The following DGCR2 variants were observed in gnomAD, a reference collection of about 807,000 sequenced individuals.
DGCR2 encodes DiGeorge syndrome critical region gene 2, also known as integral membrane protein DGCR2/IDD.
In DGCR2, 24 loss-of-function variants were observed where a neutral mutation model predicts 51.6. The observed-to-expected ratio is 0.47, with a 90% CI of 0.34 to 0.65. DGCR2 has a LOEUF of 0.65. Ranked by LOEUF, DGCR2 falls within the 30% of genes least tolerant of loss-of-function variation. DGCR2 has a pLI of 0.01. For synonymous variants in DGCR2, 340 were observed against 315.4 expected (o/e 1.08, Z -0.82); for missense variants, 765 against 772.1 (o/e 0.99, Z 0.11).
chr22:19,038,424 G>T lies in DGCR2; in HGVS notation c.*441C>A, dbSNP rs995971519. On this transcript the variant is annotated 3_prime_UTR_variant, in exon 10 of 10. Transcript: ENST00000263196. ...GGTCCAGAGGCCCCCTCCTGAGGGC[G>T]GCCAGCAAGGGGCACTGTGGCAGCT... is the stretch of plus-strand genomic sequence containing the variant. 1 of 167,520 alleles carries T rather than the reference G, an allele frequency of 6.0e-6. No homozygotes were observed. 10.4% of individuals were successfully genotyped at this position (167,520 alleles called of 1,614,324 possible). A position where few individuals can be genotyped will look rare whatever the true frequency, so the allele number is the denominator to read the frequency against.
chr22:19,095,447 G>C (rs1161669358), intron 1 of DGCR2, among the ~76,000 whole-genome samples: 1 of 152,000 alleles, frequency 6.6e-6, no homozygotes, highest in Non-Finnish European at 1.5e-5. Context: ...AAATCATGAA[G>C]TCAGGAGATG....
chr22:19,114,119 C>T (rs995021691), intron 1 of DGCR2, among the ~76,000 whole-genome samples: 3 of 147,590 alleles, frequency 2.0e-5, no homozygotes, highest in Non-Finnish European at 4.5e-5. Flanking sequence ...CCGACCCATT[C>T]CCACCTTTCC....
intron 1 of DGCR2, among the ~76,000 whole-genome samples, chr22:19,108,955 C>T (rs371014369): frequency 2.0e-5 from 3 of 151,940 alleles, no homozygotes; most frequent in East Asian, 1.9e-4. Context: ...CACTTGAACC[C>T]AGGAGGTCAA....
intron 6 of DGCR2, among the ~76,000 whole-genome samples, chr22:19,054,967 T>G (rs1411336196): frequency 1.3e-5 from 2 of 151,810 alleles, no homozygotes; most frequent in African/African-American, 4.8e-5. Context: ...AATACAAAAA[T>G]TAGCCAGGCG....
chr22:19,084,001 C>T (rs5993512), intron 2 of DGCR2, among the ~76,000 whole-genome samples: 62,729 of 151,906 alleles, frequency 0.41, 13,425 homozygotes, highest in African/African-American at 0.53. Context: ...GGATTGCAGA[C>T]GGAGTCTCGT....
At chr22:19,100,479 C>G (rs563952125) in intron 1 of DGCR2, among the ~76,000 whole-genome samples, 4 of 152,064 alleles carry the variant, frequency 2.6e-5, no homozygotes, top group South Asian at 2.1e-4. Context: ...TCCTGGCTAA[C>G]ATGGTGAAAC....
chr22:19,061,735 G>A lies in DGCR2; in HGVS notation c.625+1467C>T, dbSNP rs113662631. 5.5e-4 allele frequency: 83 copies of A among 152,268 alleles called. 1 individual carries two copies. The highest frequency in any genetic ancestry group is 1.5e-3 in the African/African-American group (64 of 41,540). 9.4% of individuals were successfully genotyped at this position (152,268 alleles called of 1,614,324 possible). ...ATTTAAATCCGCTAACAGAGTTCCC[G>A]AATCCATTTAACTGGGCACAAGCAG... On this transcript the variant is annotated intron_variant, in intron 5 of 9. Coordinates refer to ENST00000263196, the MANE Select transcript of DGCR2 (RefSeq NM_005137.3).
chr22:19,100,474 G>A (rs1038151519), intron 1 of DGCR2, among the ~76,000 whole-genome samples: 1 of 151,706 alleles, frequency 6.6e-6, no homozygotes, highest in Non-Finnish European at 1.5e-5. Context: ...CCCCATCCTG[G>A]CTAACATGGT....
Position 19,057,321 on chromosome 22 carries a change from C to G in DGCR2, c.626-159G>C, listed in dbSNP as rs1042902585. On this transcript the variant is annotated intron_variant, in intron 5 of 9. Coordinates refer to ENST00000263196, the MANE Select transcript of DGCR2 (RefSeq NM_005137.3). This position sits in a 1 kb window ranked among gnomAD's most constrained non-coding sequence, Gnocchi z 5.1. ...TGGCCAGGTGTTCACTCGGGACTCC[C>G]CAACCTCCTGGGAGTCACCCCAGGT... is the stretch of plus-strand genomic sequence containing the variant. Among the ~76,000 whole-genome samples, 3 of 152,150 alleles carry G rather than the reference C, an allele frequency of 2.0e-5. No individual in the cohort carries two copies. The highest frequency in any genetic ancestry group is 6.5e-5 in the Admixed American group (1 of 15,288).
At chr22:19,121,363 G>A (rs1263360844) in intron 1 of DGCR2, among the ~76,000 whole-genome samples, 1 of 152,162 alleles carries the variant, frequency 6.6e-6, no homozygotes, top group Admixed American at 6.5e-5. Flanking sequence ...GTGATACCAG[G>A]ATTCCTGTGC....
At chr22:19,121,888 G>A (rs564950758) in intron 1 of DGCR2, 2 of 258,532 alleles carry the variant, frequency 7.7e-6, no homozygotes, top group Non-Finnish European at 1.4e-5. Flanking sequence ...CCGCTCCCGG[G>A]AAGGGCCCAG....
Position 19,101,737 on chromosome 22 carries a change from TAAAA to T in DGCR2, c.80-12251_80-12248del, listed in dbSNP as rs764584649. On this transcript the variant is annotated intron_variant, in intron 1 of 9. Transcript: ENST00000263196. Reference sequence around the variant, plus strand: ...GCCTGGGCAACAGGAGCAAAACTGTTAAAAAAAAAAAAAAAAAAAGTGAATGTGG... The same window carrying T: ...GCCTGGGCAACAGGAGCAAAACTGTTAAAAAAAAAAAAAAAGTGAATGTGG... Among the ~76,000 whole-genome samples the T allele has an allele frequency of 5.5e-3, 611 of 110,986 alleles. 3 individuals are homozygous for T. The Middle Eastern group carries it at 0.076, about 14-fold the overall frequency. 72.8% of individuals were successfully genotyped at this position (110,986 alleles called of 152,430 possible).
chr22:19,097,656 C>T (rs1007007719), intron 1 of DGCR2, among the ~76,000 whole-genome samples: 1 of 152,224 alleles, frequency 6.6e-6, no homozygotes, highest in Admixed American at 6.5e-5. Flanking sequence ...AACTCAAACA[C>T]ACTTGAAGAA....
In DGCR2 at chr22:19,041,131, G is replaced by A. The variant is rs747442630; in HGVS notation, c.1323C>T (p.Ile441=). 26 of 1,613,826 alleles carry A rather than the reference G, an allele frequency of 1.6e-5. No individual in the cohort carries two copies. Among genetic ancestry groups the A allele is most frequent in the East Asian group, 1.1e-4 (5 of 44,868 alleles). The change falls in exon 9 of 10, where the codon ATC becomes ATT. Residue 441 remains isoleucine (I), a synonymous_variant. Coordinates refer to ENST00000263196, the MANE Select transcript of DGCR2 (RefSeq NM_005137.3). ...PPYTAYKYPD[I]GQPDDPPPPY... is the part of the protein sequence containing the mutation. ...GCGGCGGAGGGTCGTCGGGCTGGCC[G>A]ATGTCCGGGTACTTGTATGCCGTGT...
rs1411443270 is a variant in DGCR2 at position 19,052,468 on chromosome 22, T to C, written c.803-3825A>G. ...AGAAAAAAAGAAAAAAGAAAACACG[T>C]TTGCACAAAAACCTGTATGCGGATG... On this transcript the variant is annotated intron_variant, in intron 6 of 9. Transcript: ENST00000263196. 8.6e-5 allele frequency among the ~76,000 whole-genome samples: 13 copies of C among 151,220 alleles called. No individual in the cohort carries two copies. The East Asian group carries it at 2.5e-3, about 29-fold the overall frequency.
chr22:19,099,645 G>A (rs185786996), intron 1 of DGCR2, among the ~76,000 whole-genome samples: 1 of 152,036 alleles, frequency 6.6e-6, no homozygotes, highest in Admixed American at 6.5e-5. Context: ...AGCAGTAAGT[G>A]CAACTTCTGC....
At chr22:19,101,497 T>C (rs1477804886) in intron 1 of DGCR2, among the ~76,000 whole-genome samples, 1 of 152,004 alleles carries the variant, frequency 6.6e-6, no homozygotes, top group African/African-American at 2.4e-5. Flanking sequence ...TCCCAGCACT[T>C]TGGGAGGCCG....
intron 8 of DGCR2, 121 bp from the exon 9 acceptor site, chr22:19,041,415 C>T (rs570974824): frequency 8.5e-5 from 80 of 942,324 alleles, no homozygotes; most frequent in Non-Finnish European, 1.2e-4. Context: ...ACCTGTGCCC[C>T]GCTGCCTACC....
intron 5 of DGCR2, 29 bp downstream of exon 5, chr22:19,063,173 A>T: frequency 1.2e-6 from 2 of 1,609,966 alleles, no homozygotes; most frequent in Non-Finnish European, 1.7e-6. Flanking sequence ...GCCCAGCTTC[A>T]AACACTCCCA....
Sources: gnomAD v4.1 joint callset for allele counts (sites outside exome capture counted in the v4.1 genomes callset) on GRCh38, gnomAD v4.1.1 for gene constraint, Gnocchi (gnomAD v3.1) non-coding constraint, MANE v1.5 for transcripts, NCBI Gene and HGNC (gene_info 2026-07-23, HGNC 2026-07-21) for gene names.